The following L3MBTL4 variants were observed in gnomAD, a reference collection of about 807,000 sequenced individuals.
L3MBTL4 encodes lethal(3)malignant brain tumor-like protein 4.
Under a neutral mutation model 84.5 loss-of-function variants are expected in L3MBTL4, and 70 were observed. The ratio of observed to expected loss-of-function variants is 0.83; its 90% CI spans 0.68 to 1.01. The LOEUF (loss-of-function observed/expected upper bound fraction) is 1.01. Among genes scored for constraint, L3MBTL4 ranks in the 50% least tolerant of loss-of-function variants. The pLI is 0.00. For synonymous variants in L3MBTL4, 274 were observed against 259.8 expected (o/e 1.05, Z -0.52); for missense variants, 715 against 754.8 (o/e 0.95, Z 0.62).
At chr18:6,055,646 A>G (rs2056994844) in intron 16 of L3MBTL4, among the ~76,000 whole-genome samples, 1 of 152,224 alleles carries the variant, frequency 6.6e-6, no homozygotes, top group Non-Finnish European at 1.5e-5. Context: ...TGTTAACAGA[A>G]GTGATTTTAA....
At chr18:6,194,048 T>G (rs1440286960) in intron 12 of L3MBTL4, among the ~76,000 whole-genome samples, 1 of 152,082 alleles carries the variant, frequency 6.6e-6, no homozygotes, top group Non-Finnish European at 1.5e-5. Context: ...CTTTCCAAAA[T>G]GAATTCAAGG....
intron 1 of L3MBTL4, among the ~76,000 whole-genome samples, chr18:6,366,437 G>T (rs2053937250): frequency 6.6e-6 from 1 of 152,284 alleles, no homozygotes; most frequent in African/African-American, 2.4e-5. Flanking sequence ...TCCAACATCT[G>T]AAAGTGTTCA....
intron 12 of L3MBTL4, among the ~76,000 whole-genome samples, chr18:6,190,387 A>G (rs931502520): frequency 6.6e-6 from 1 of 152,210 alleles, no homozygotes; most frequent in African/African-American, 2.4e-5. Context: ...GTAAAAATTC[A>G]CTGAGCTGTA....
chr18:6,376,141 A>G (rs974466651), intron 1 of L3MBTL4, among the ~76,000 whole-genome samples: 7 of 152,186 alleles, frequency 4.6e-5, no homozygotes, highest in Admixed American at 1.3e-4. Flanking sequence ...CACTGGCAAC[A>G]GTGGCCCTCC....
At chr18:6,247,639 C>T (rs1704975459) in intron 5 of L3MBTL4, among the ~76,000 whole-genome samples, 2 of 147,640 alleles carry the variant, frequency 1.4e-5, no homozygotes. Context: ...CCACCATGCC[C>T]GGCTAATTTT....
chr18:6,352,387 T>C lies in L3MBTL4; in HGVS notation c.-90-40331A>G, dbSNP rs1466703288. On this transcript the variant is annotated intron_variant, in intron 1 of 18. Coordinates refer to ENST00000317931, the MANE Select transcript of L3MBTL4 (RefSeq NM_001330559.2). ...TCCACAGAAGGCTCTCAATAAATTA[T>C]AAATATTTACCTTTAGTCATTCAAA... 1.1e-3 allele frequency among the ~76,000 whole-genome samples: 168 copies of C among 152,260 alleles called. 3 individuals are homozygous for C. Among genetic ancestry groups the C allele is most frequent in the Non-Finnish European group, 1.8e-4 (12 of 68,056 alleles).
At chr18:6,073,011 TG>T (rs1391173054) in intron 16 of L3MBTL4, among the ~76,000 whole-genome samples, 6 of 135,392 alleles carry the variant, frequency 4.4e-5, no homozygotes, top group Non-Finnish European at 9.4e-5. Context: ...CCAAAGAGAG[TG>T]GAAGGCAGGA....
intron 16 of L3MBTL4, among the ~76,000 whole-genome samples, chr18:6,065,991 A>G (rs1276479682): frequency 1.3e-5 from 2 of 152,068 alleles, no homozygotes; most frequent in African/African-American, 4.8e-5. Context: ...GTACACATTT[A>G]ATACTATGAA....
chr18:6,062,281 C>T (rs1014503281), intron 16 of L3MBTL4, among the ~76,000 whole-genome samples: 3 of 151,946 alleles, frequency 2.0e-5, no homozygotes, highest in African/African-American at 7.2e-5. Context: ...AATTTCAATG[C>T]TTTAAACATT....
At chr18:6,269,073 A>G (rs2048756737) in intron 4 of L3MBTL4, among the ~76,000 whole-genome samples, 1 of 152,222 alleles carries the variant, frequency 6.6e-6, no homozygotes, top group Admixed American at 6.5e-5. Flanking sequence ...TTCCAATTTA[A>G]TTAGTAACTT....
intron 1 of L3MBTL4, among the ~76,000 whole-genome samples, chr18:6,412,494 C>G (rs2056008869): frequency 6.6e-6 from 1 of 152,074 alleles, no homozygotes; most frequent in South Asian, 2.1e-4. Flanking sequence ...CTTCTGCTTC[C>G]TTGGTCAGAC....
chr18:5,985,298 G>A (rs1339294014), intron 16 of L3MBTL4, among the ~76,000 whole-genome samples: 3 of 152,124 alleles, frequency 2.0e-5, no homozygotes, highest in Non-Finnish European at 4.4e-5. Flanking sequence ...TAGCCCTGGA[G>A]GTAACATAAT....
At chr18:6,282,813 G>A (rs2049382096) in intron 4 of L3MBTL4, among the ~76,000 whole-genome samples, 1 of 152,104 alleles carries the variant, frequency 6.6e-6, no homozygotes, top group African/African-American at 2.4e-5. Flanking sequence ...CCAAGCACGG[G>A]GTGACAGCTT....
chr18:6,190,595 G>A (rs1262266665), intron 12 of L3MBTL4, among the ~76,000 whole-genome samples: 1 of 152,122 alleles, frequency 6.6e-6, no homozygotes, highest in Non-Finnish European at 1.5e-5. Flanking sequence ...CTTACTACAT[G>A]TCTGGGACTA....
rs2095217785 is a variant in L3MBTL4, at chr18:5,954,769, CAG to C, written c.*1449_*1450del. ...AAAATATATTAAAATTTTAACATGG[CAG>C]AAGCAGGAATTTTACTTGCACATGG... On this transcript the variant is annotated 3_prime_UTR_variant, in exon 19 of 19. Transcript: ENST00000317931. The C allele has an allele frequency of 2.6e-5, 4 of 151,986 alleles. No individual in the cohort carries two copies. The highest frequency in any genetic ancestry group is 1.3e-4 in the Admixed American group (2 of 15,262). 9.4% of individuals were successfully genotyped at this position (151,986 alleles called of 1,614,324 possible). A position where few individuals can be genotyped will look rare whatever the true frequency, so the allele number is the denominator to read the frequency against.
intron 16 of L3MBTL4, among the ~76,000 whole-genome samples, chr18:6,057,896 A>G (rs2057081569): frequency 6.6e-6 from 1 of 152,216 alleles, no homozygotes; most frequent in African/African-American, 2.4e-5. Flanking sequence ...CTATTTTCAT[A>G]TGGTATTGAA....
intron 10 of L3MBTL4, among the ~76,000 whole-genome samples, chr18:6,222,373 A>T (rs2046592956): frequency 6.6e-6 from 1 of 152,178 alleles, no homozygotes; most frequent in Non-Finnish European, 1.5e-5. Flanking sequence ...GCTGAGCTGT[A>T]CTATATCCAG....
Position 5,956,166 on chromosome 18 carries a change from T to A in L3MBTL4, c.*54A>T. 6.8e-7 allele frequency: 1 copy of A among 1,480,162 alleles called. No homozygotes were observed. The highest frequency in any genetic ancestry group is 1.2e-5 in the South Asian group (1 of 82,564). 91.7% of individuals were successfully genotyped at this position (1,480,162 alleles called of 1,614,324 possible). On this transcript the variant is annotated 3_prime_UTR_variant, in exon 19 of 19. Coordinates refer to ENST00000317931, the MANE Select transcript of L3MBTL4 (RefSeq NM_001330559.2). ...TCACATCAAATTAATGTGCTCCACT[T>A]TTATTGCTGAAAGAGCGCAGGTCTT...
intron 10 of L3MBTL4, among the ~76,000 whole-genome samples, chr18:6,224,973 C>T (rs1329462192): frequency 6.6e-6 from 1 of 151,148 alleles, no homozygotes; most frequent in Non-Finnish European, 1.5e-5. Flanking sequence ...AGATTTAAAC[C>T]AAAAAGTTTT....
Sources: allele counts gnomAD v4.1 joint callset (sites outside exome capture counted in the v4.1 genomes callset), GRCh38; gene constraint gnomAD v4.1.1; transcripts MANE v1.5; gene names NCBI Gene and HGNC (gene_info 2026-07-23, HGNC 2026-07-21).